Variants in PSD3 observed in about 807,000 individuals in gnomAD.
PSD3 encodes PH and SEC7 domain-containing protein 3.
PSD3 carries 49 observed loss-of-function variants against 105.5 expected under a neutral mutation model. The ratio of observed to expected loss-of-function variants is 0.46; its 90% CI spans 0.37 to 0.59. The LOEUF (loss-of-function observed/expected upper bound fraction) is 0.59. PSD3 is among the 20% of genes least tolerant of loss of function. PSD3 has a pLI of 0.00. For missense variants in PSD3, 1,561 were observed against 1,263.8 expected (o/e 1.24, Z -3.57); for synonymous variants, 557 against 457.8 (o/e 1.22, Z -2.77).
chr8:18,921,647 T>C (rs1821028519), intron 2 of PSD3, among the ~76,000 whole-genome samples: 1 of 152,214 alleles, frequency 6.6e-6, no homozygotes, highest in South Asian at 2.1e-4. Context: ...TGCATTGGCT[T>C]CATAGAAAAT....
At chr8:18,622,089 C>A (rs772039154) in intron 11 of PSD3, among the ~76,000 whole-genome samples, 2 of 152,156 alleles carry the variant, frequency 1.3e-5, no homozygotes, top group African/African-American at 2.4e-5. Flanking sequence ...CTCCTTGTAT[C>A]CACAGTATTT....
intron 6 of PSD3, among the ~76,000 whole-genome samples, chr8:18,801,995 T>C (rs1810739446): frequency 6.6e-6 from 1 of 152,122 alleles, no homozygotes; most frequent in African/African-American, 2.4e-5. Context: ...TAAGACTCAA[T>C]ACATCATCAT....
intron 9 of PSD3, among the ~76,000 whole-genome samples, chr8:18,677,949 G>A (rs536137677): frequency 9.0e-4 from 136 of 150,498 alleles, no homozygotes; most frequent in African/African-American, 3.2e-3. Context: ...GGCAGAGCTT[G>A]CAGTGAGCCG....
chr8:18,655,379 C>T (rs1387255892), intron 10 of PSD3, among the ~76,000 whole-genome samples: 2 of 150,528 alleles, frequency 1.3e-5, no homozygotes, highest in African/African-American at 4.9e-5. Context: ...ACAGGTACAG[C>T]AACCATTTTA....
intron 11 of PSD3, among the ~76,000 whole-genome samples, chr8:18,631,222 A>G (rs1461242690): frequency 6.6e-6 from 1 of 151,992 alleles, no homozygotes; most frequent in Non-Finnish European, 1.5e-5. Context: ...CAATGTATGA[A>G]GAAGGGTGTG....
At position 18,530,513 on chromosome 8, in the gene PSD3, T is replaced by A. The variant is rs1799591347; in HGVS notation, c.*5230A>T. The A allele has an allele frequency of 6.6e-6, 1 of 152,608 alleles. No homozygotes were observed. The highest frequency in any genetic ancestry group is 1.5e-5 in the Non-Finnish European group (1 of 68,036). The allele number at this position is 152,608 out of a possible 1,614,324, so 9.5% of individuals were successfully genotyped here. A position where few individuals can be genotyped will look rare whatever the true frequency, so the allele number is the denominator to read the frequency against. On this transcript the variant is annotated 3_prime_UTR_variant, in exon 16 of 16. Transcript: ENST00000327040. Reference sequence around the variant, plus strand: ...CTCCCGTAAAACATACACAAATACATAAATGATATGGTGGGTACTTAATTC... The same window carrying A: ...CTCCCGTAAAACATACACAAATACAAAAATGATATGGTGGGTACTTAATTC...
At chr8:18,840,834 G>T (rs1258786344) in intron 4 of PSD3, among the ~76,000 whole-genome samples, 1 of 152,122 alleles carries the variant, frequency 6.6e-6, no homozygotes, top group Non-Finnish European at 1.5e-5. Flanking sequence ...CTGGAATACA[G>T]AATATATAAA....
At chr8:18,926,964 G>C (rs1451278774) in intron 2 of PSD3, among the ~76,000 whole-genome samples, 2 of 151,946 alleles carry the variant, frequency 1.3e-5, no homozygotes, top group Admixed American at 6.6e-5. Context: ...AAAGGGTCTA[G>C]ATCAAGGATC....
intron 9 of PSD3, among the ~76,000 whole-genome samples, chr8:18,719,922 GA>G (rs1802844163): frequency 6.6e-6 from 1 of 152,110 alleles, no homozygotes; most frequent in Non-Finnish European, 1.5e-5. Flanking sequence ...AAGGATTAAA[GA>G]ATACCAACCA....
At chr8:18,806,529 C>T (rs73595767) in intron 4 of PSD3, among the ~76,000 whole-genome samples, 2,170 of 152,298 alleles carry the variant, frequency 0.014, 58 homozygotes, top group African/African-American at 0.05. Context: ...TGTGCTTACA[C>T]GGCCTTCGAA....
At chr8:18,619,256 T>C (rs1805931219) in intron 11 of PSD3, among the ~76,000 whole-genome samples, 1 of 152,128 alleles carries the variant, frequency 6.6e-6, no homozygotes, top group South Asian at 2.1e-4. Context: ...CCTTTTCAAG[T>C]TCAGGCCCGA....
chr8:18,955,435 T>C (rs1823507526), intron 1 of PSD3, among the ~76,000 whole-genome samples: 1 of 152,210 alleles, frequency 6.6e-6, no homozygotes, highest in African/African-American at 2.4e-5. Flanking sequence ...TTGTTAATGT[T>C]GATATATTTT....
At chr8:18,903,227 G>A (rs956026435) in intron 2 of PSD3, among the ~76,000 whole-genome samples, 2 of 152,150 alleles carry the variant, frequency 1.3e-5, no homozygotes, top group Non-Finnish European at 2.9e-5. Context: ...GAAGGTTTAG[G>A]CTCAAGGTGC....
At chr8:18,780,802 C>T (rs533740671) in intron 8 of PSD3, among the ~76,000 whole-genome samples, 12 of 152,272 alleles carry the variant, frequency 7.9e-5, no homozygotes, top group African/African-American at 2.9e-4. Context: ...GATCCGCCTG[C>T]CTTGGCCTCC....
At chr8:18,821,684 A>ACACACACACACACAC in intron 4 of PSD3, among the ~76,000 whole-genome samples, 1 of 131,398 alleles carries the variant, frequency 7.6e-6, no homozygotes, top group South Asian at 2.6e-4. Flanking sequence ...TGACCCCCAC[A>ACACACACACACACAC]ACACACACAC....
chr8:18,949,114 C>T lies in PSD3; in HGVS notation c.22-12972G>A, dbSNP rs1160761044. 1.7e-4 allele frequency among the ~76,000 whole-genome samples: 25 copies of T among 147,268 alleles called. 1 individual carries two copies. Among genetic ancestry groups the T allele is most frequent in the African/African-American group, 5.7e-4 (23 of 40,230 alleles). On this transcript the variant is annotated intron_variant, in intron 1 of 15. Transcript: ENST00000327040. The stretch of plus-strand genomic sequence containing the variant: ...GCGGGCCCCTGTAGTCCCAGCTACT[C>T]GGGAGGCTGAGGCAGGAGAATGGCG...
rs558411933 is a variant in PSD3 at position 18,719,979 on chromosome 8, G to A, written c.2172+45470C>T. Among the ~76,000 whole-genome samples, 247 of 151,978 alleles carry A rather than the reference G, an allele frequency of 1.6e-3. 1 individual carries two copies. The highest frequency in any genetic ancestry group is 4.7e-3 in the African/African-American group (196 of 41,458). On this transcript the variant is annotated intron_variant, in intron 9 of 15. Coordinates refer to ENST00000327040, the MANE Select transcript of PSD3 (RefSeq NM_015310.4). Reference sequence around the variant, plus strand: ...ATATATGCATCATATTTCTCATATCGAAACCCAAAAAGGTAAAGATACGTA... The same window carrying A: ...ATATATGCATCATATTTCTCATATCAAAACCCAAAAAGGTAAAGATACGTA...
intron 4 of PSD3, among the ~76,000 whole-genome samples, chr8:18,824,773 T>C (rs921335336): frequency 6.6e-6 from 1 of 152,104 alleles, no homozygotes; most frequent in Non-Finnish European, 1.5e-5. Context: ...GCGATACAGA[T>C]AACTAGAAGA....
At chr8:18,999,878 A>C (rs551166148) in intron 1 of PSD3, 1 of 151,598 alleles carries the variant, frequency 6.6e-6, no homozygotes, top group African/African-American at 2.4e-5. Flanking sequence ...TCACAGATAC[A>C]TTTGTTTTAG....
Sources: allele counts gnomAD v4.1 joint callset (sites outside exome capture counted in the v4.1 genomes callset), GRCh38; gene constraint gnomAD v4.1.1; transcripts MANE v1.5; gene names NCBI Gene and HGNC (gene_info 2026-07-23, HGNC 2026-07-21).